Variants in ADAMTS16 observed in about 807,000 individuals in gnomAD.
ADAMTS16 encodes the protein ADAM metallopeptidase with thrombospondin type 1 motif 16, also known as A disintegrin and metalloproteinase with thrombospondin motifs 16.
ADAMTS16 carries 94 observed loss-of-function variants against 145.8 expected under a neutral mutation model. The ratio of observed to expected loss-of-function variants is 0.64; its 90% CI spans 0.55 to 0.77. ADAMTS16 has a LOEUF of 0.77. Ranked by LOEUF, ADAMTS16 falls within the 30% of genes least tolerant of loss-of-function variation. The pLI is 0.00. For synonymous variants in ADAMTS16, 659 were observed against 604.3 expected, an observed-to-expected ratio of 1.09 and a Z score of -1.33; for missense variants, 1,585 against 1,591.5, an observed-to-expected ratio of 1.00 and a Z score of 0.07.
chr5:5,318,676 T>G (rs571201533), intron 22 of ADAMTS16, among the ~76,000 whole-genome samples: 11 of 152,312 alleles, frequency 7.2e-5, no homozygotes, highest in African/African-American at 2.6e-4. Flanking sequence ...TGGGCGCCTG[T>G]TAAGGCTATT....
intron 8 of ADAMTS16, 147 bp from the exon 9 acceptor site, chr5:5,199,985 T>C (rs1360278321): frequency 3.2e-6 from 3 of 933,900 alleles, no homozygotes; most frequent in Non-Finnish European, 3.1e-6. Context: ...TCTTAACCAA[T>C]TGGCAGTTGT....
At chr5:5,185,941 G>T (rs1175896753) in intron 4 of ADAMTS16, 111 bp from the exon 5 acceptor site, 5 of 872,174 alleles carry the variant, frequency 5.7e-6, no homozygotes, top group East Asian at 2.4e-5. Flanking sequence ...GGTTTATGTG[G>T]TTTTTATCAT....
chr5:5,165,116 A>G (rs1263988089), intron 3 of ADAMTS16, among the ~76,000 whole-genome samples: 1 of 152,042 alleles, frequency 6.6e-6, no homozygotes, highest in Non-Finnish European at 1.5e-5. Flanking sequence ...CAGTCACTCC[A>G]GCCCCACCCC....
At chr5:5,156,613 C>T (rs1392265676) in intron 3 of ADAMTS16, among the ~76,000 whole-genome samples, 1 of 152,176 alleles carries the variant, frequency 6.6e-6, no homozygotes, top group Non-Finnish European at 1.5e-5. Context: ...CTGCACTTGA[C>T]CTTTTACTGC....
At chr5:5,218,535 C>T (rs371305065) in intron 10 of ADAMTS16, among the ~76,000 whole-genome samples, 251 of 152,352 alleles carry the variant, frequency 1.6e-3, no homozygotes, top group African/African-American at 5.9e-3. Flanking sequence ...GCTTCTCCAT[C>T]TGTGGATGGC....
intron 17 of ADAMTS16, among the ~76,000 whole-genome samples, chr5:5,247,355 C>G (rs1737478268): frequency 6.6e-6 from 1 of 152,064 alleles, no homozygotes; most frequent in Non-Finnish European, 1.5e-5. Context: ...ATATTACCCC[C>G]CCGCCCCCCG....
intron 11 of ADAMTS16, among the ~76,000 whole-genome samples, 194 bp from the exon 12 acceptor site, chr5:5,232,174 C>T (rs1736945501): frequency 1.0e-5 from 1 of 100,220 alleles, no homozygotes; most frequent in African/African-American, 4.5e-5. Context: ...TAGGAGGATG[C>T]TAGGTTGGGT....
intron 11 of ADAMTS16, among the ~76,000 whole-genome samples, chr5:5,230,114 A>G (rs934661990): frequency 6.6e-6 from 1 of 152,162 alleles, no homozygotes; most frequent in Non-Finnish European, 1.5e-5. Flanking sequence ...AGATCTAGAG[A>G]ACCCAGGGGA....
chr5:5,315,695 A>G (rs1233250386), intron 21 of ADAMTS16, among the ~76,000 whole-genome samples: 2 of 152,240 alleles, frequency 1.3e-5, no homozygotes, highest in Admixed American at 6.5e-5. Context: ...GAATGCAGAC[A>G]GCAGAGAAAA....
intron 16 of ADAMTS16, among the ~76,000 whole-genome samples, chr5:5,240,431 G>A: frequency 6.6e-6 from 1 of 152,334 alleles, no homozygotes; most frequent in East Asian, 1.9e-4. Flanking sequence ...CCTGAACCGA[G>A]CAGTTCTGTT....
In ADAMTS16 at chr5:5,303,706, T is replaced by C. The variant is rs1325599193; in HGVS notation, c.3126T>C (p.Cys1042=). The change falls in exon 20 of 23, where the codon TGT becomes TGC. Residue 1042 remains cysteine (C), a synonymous_variant. Coordinates refer to ENST00000274181, the MANE Select transcript of ADAMTS16 (RefSeq NM_139056.4). ...SEPKPRMHEA[C]LLQRCHKPKK... ...CCAAGCCCAGGATGCATGAAGCCTG[T>C]CTGCTTCAGCGCTGCCACAAGCCCA... is the stretch of plus-strand genomic sequence containing the variant. 1.2e-6 allele frequency: 2 copies of C among 1,613,572 alleles called. No homozygotes were observed. Among genetic ancestry groups the C allele is most frequent in the Non-Finnish European group, 1.7e-6 (2 of 1,180,024 alleles).
At chr5:5,234,467 G>T (rs1349296966) in intron 12 of ADAMTS16, among the ~76,000 whole-genome samples, 2 of 152,180 alleles carry the variant, frequency 1.3e-5, no homozygotes, top group Non-Finnish European at 2.9e-5. Context: ...GCCCAGAGAG[G>T]AGCAAAGACA....
intron 17 of ADAMTS16, among the ~76,000 whole-genome samples, chr5:5,251,944 G>A (rs1033630665): frequency 4.6e-5 from 7 of 152,082 alleles, no homozygotes; most frequent in Non-Finnish European, 8.8e-5. Context: ...GCAACCTCCC[G>A]GGTTCCCGCC....
chr5:5,313,378 G>T (rs1740533992), intron 21 of ADAMTS16, among the ~76,000 whole-genome samples: 1 of 152,232 alleles, frequency 6.6e-6, no homozygotes, highest in African/African-American at 2.4e-5. Flanking sequence ...GATTTCCATT[G>T]ATTTAAATGT....
At chr5:5,164,713 G>C (rs1734822522) in intron 3 of ADAMTS16, among the ~76,000 whole-genome samples, 1 of 152,052 alleles carries the variant, frequency 6.6e-6, no homozygotes, top group South Asian at 2.1e-4. Flanking sequence ...GTCTCACTCT[G>C]TCACCCAGGC....
At chr5:5,168,595 T>TG (rs1734949246) in intron 3 of ADAMTS16, among the ~76,000 whole-genome samples, 1 of 70,972 alleles carries the variant, frequency 1.4e-5, no homozygotes, top group East Asian at 2.8e-4. Flanking sequence ...ATATTATATA[T>TG]AATATATAAT....
At chr5:5,208,113 A>G (rs1303784596) in intron 9 of ADAMTS16, among the ~76,000 whole-genome samples, 1 of 152,152 alleles carries the variant, frequency 6.6e-6, no homozygotes, top group Non-Finnish European at 1.5e-5. Flanking sequence ...TTCTTCCCTA[A>G]TCTCTGGTAT....
At position 5,235,109 on chromosome 5, in the gene ADAMTS16, C is replaced by T; in HGVS notation, c.1946C>T (p.Ala649Val). ...KCPRDSVDFRAAQCAEHNSRR... is the reference protein window; with the variant it reads ...KCPRDSVDFRVAQCAEHNSRR... ...CCCCGGGACAGTGTTGACTTCCGTG[C>T]TGCTCAGTGTGCCGAGCACAACAGC... Residue 649 changes from alanine to valine, a missense_variant, in exon 13 of 23, where the codon GCT becomes GTT. By Grantham distance (64) the Ala-to-Val change is moderately conservative (BLOSUM62 0). Coordinates refer to ENST00000274181, the MANE Select transcript of ADAMTS16 (RefSeq NM_139056.4). 1 of 1,606,148 alleles carries T rather than the reference C, an allele frequency of 6.2e-7. No homozygotes were observed. The highest frequency in any genetic ancestry group is 8.5e-7 in the Non-Finnish European group (1 of 1,173,434).
Position 5,177,150 on chromosome 5 carries a change from C to T in ADAMTS16, c.502-4894C>T, listed in dbSNP as rs941408227. 5.9e-5 allele frequency among the ~76,000 whole-genome samples: 9 copies of T among 152,266 alleles called. No homozygotes were observed. In the South Asian group the frequency reaches 1.7e-3, roughly 28 times the overall value. On this transcript the variant is annotated intron_variant, in intron 3 of 22. Transcript: ENST00000274181. The stretch of plus-strand genomic sequence containing the variant: ...TCACTGCAGGAGGAACTGGGGTTTG[C>T]GAGAAACCAAGGACTGAGTCCTTTC...
Sources: allele counts gnomAD v4.1 joint callset (sites outside exome capture counted in the v4.1 genomes callset), GRCh38; gene constraint gnomAD v4.1.1; transcripts MANE v1.5; gene names NCBI Gene and HGNC (gene_info 2026-07-23, HGNC 2026-07-21).